Variants in SLC40A1 observed in about 807,000 individuals in gnomAD.
SLC40A1 encodes solute carrier family 40 member 1.
A neutral mutation model predicts 53.5 loss-of-function variants in SLC40A1; 16 were observed. The observed-to-expected ratio is 0.30, with a 90% CI of 0.20 to 0.45. The LOEUF (loss-of-function observed/expected upper bound fraction) is 0.45. SLC40A1 is among the 20% of genes least tolerant of loss of function. The probability of loss-of-function intolerance (pLI) is 1.00; values close to 1 mark genes in which losing one functional copy is unlikely to be tolerated. For synonymous variants in SLC40A1, 247 were observed against 253.2 expected (o/e 0.98, Z 0.23); for missense variants, 545 against 695.4 (o/e 0.78, Z 2.43).
At chr2:189,578,160 G>C (rs1156459423) in intron 2 of SLC40A1, 1 of 951,414 alleles carries the variant, frequency 1.1e-6, no homozygotes, top group East Asian at 1.2e-4. Flanking sequence ...TAAATGTTTT[G>C]TTGTAACAAA....
At chr2:189,570,160 T>A (rs2105626593) in intron 5 of SLC40A1, among the ~76,000 whole-genome samples, 1 of 151,758 alleles carries the variant, frequency 6.6e-6, no homozygotes, top group African/African-American at 2.4e-5. Flanking sequence ...AAGTTAAAGA[T>A]TCTGGCTAAC....
At chr2:189,573,995 A>C (rs1380034477) in intron 3 of SLC40A1, among the ~76,000 whole-genome samples, 2 of 152,208 alleles carry the variant, frequency 1.3e-5, no homozygotes, top group Non-Finnish European at 2.9e-5. Context: ...ATGTGAACAG[A>C]TCATTATATC....
intron 2 of SLC40A1, among the ~76,000 whole-genome samples, chr2:189,576,370 T>C (rs2031285537): frequency 6.6e-6 from 1 of 152,226 alleles, no homozygotes; most frequent in Admixed American, 6.5e-5. Context: ...AAGCAAATAC[T>C]ATCCTGGTAT....
chr2:189,564,739 C>G (rs1283838256), intron 6 of SLC40A1, among the ~76,000 whole-genome samples: 1 of 152,124 alleles, frequency 6.6e-6, no homozygotes, highest in Non-Finnish European at 1.5e-5. Flanking sequence ...ACTTGGGAGG[C>G]TGAGGCAGGA....
At chr2:189,569,687 C>T (rs1213990071) in intron 5 of SLC40A1, among the ~76,000 whole-genome samples, 2 of 152,226 alleles carry the variant, frequency 1.3e-5, no homozygotes, top group Admixed American at 6.5e-5. Context: ...GCCCACACTG[C>T]TGGCTGGATG....
At chr2:189,569,017 G>A (rs2031039132) in intron 5 of SLC40A1, among the ~76,000 whole-genome samples, 1 of 152,214 alleles carries the variant, frequency 6.6e-6, no homozygotes, top group South Asian at 2.1e-4. Context: ...CACCTAGAAA[G>A]TACCTAAATT....
At chr2:189,571,293 C>T (rs891800539) in intron 5 of SLC40A1, among the ~76,000 whole-genome samples, 1 of 151,956 alleles carries the variant, frequency 6.6e-6, no homozygotes, top group Non-Finnish European at 1.5e-5. Flanking sequence ...AGAGTCTCTC[C>T]TACAATTGTT....
chr2:189,580,525 C>T lies in SLC40A1; in HGVS notation c.-65G>A. 6.2e-7 allele frequency: 1 copy of T among 1,609,922 alleles called. No homozygotes were observed. The highest frequency in any genetic ancestry group is 8.5e-7 in the Non-Finnish European group (1 of 1,179,902). ...CGCTGCTGCTGCTCTCGCTGAGGTG[C>T]TTGTTAACAGGAGTGCAAGGAACTG... On this transcript the variant is annotated 5_prime_UTR_variant, in exon 1 of 8. Transcript: ENST00000261024.
intron 7 of SLC40A1, 39 bp from the exon 8 acceptor site, chr2:189,562,230 T>C (rs753462352): frequency 3.3e-5 from 48 of 1,432,948 alleles, no homozygotes; most frequent in Non-Finnish European, 4.4e-5. Context: ...GATTTTAGTT[T>C]ACAGGCATAC....
intron 4 of SLC40A1, 71 bp from the exon 5 acceptor site, chr2:189,571,912 G>T: frequency 1.0e-6 from 1 of 1,001,174 alleles, no homozygotes; most frequent in Non-Finnish European, 1.6e-6. Flanking sequence ...ACTAAACAAG[G>T]CAGTTTAAAA....
At chr2:189,580,003 C>T (rs2105636699) in intron 1 of SLC40A1, 123 bp from the exon 2 acceptor site, 4 of 961,718 alleles carry the variant, frequency 4.2e-6, no homozygotes, top group Non-Finnish European at 6.6e-6. Flanking sequence ...CAGGACAAAC[C>T]ACGTACATTT....
At chr2:189,574,431 C>A (rs575082415) in intron 3 of SLC40A1, among the ~76,000 whole-genome samples, 18 of 152,268 alleles carry the variant, frequency 1.2e-4, no homozygotes, top group African/African-American at 3.8e-4. Context: ...AGTCATCTCG[C>A]ACTGAAAGAA....
At chr2:189,566,181 G>A (rs535397899) in intron 5 of SLC40A1, among the ~76,000 whole-genome samples, 3 of 152,154 alleles carry the variant, frequency 2.0e-5, no homozygotes, top group South Asian at 2.1e-4. Flanking sequence ...AGGACTCACT[G>A]AAAAAAAGAG....
intron 5 of SLC40A1, among the ~76,000 whole-genome samples, chr2:189,570,937 G>A (rs1490272726): frequency 1.3e-5 from 2 of 152,106 alleles, no homozygotes; most frequent in Admixed American, 1.3e-4. Context: ...CTGACAGGTA[G>A]GGAGGTGTAC....
intron 5 of SLC40A1, among the ~76,000 whole-genome samples, chr2:189,569,725 A>C (rs2031061317): frequency 6.6e-6 from 1 of 152,206 alleles, no homozygotes; most frequent in African/African-American, 2.4e-5. Context: ...CTAAAAGCTA[A>C]TGTAGAGTGG....
intron 5 of SLC40A1, among the ~76,000 whole-genome samples, chr2:189,566,024 ATGTG>A (rs149895089): frequency 1.7e-4 from 26 of 151,316 alleles, no homozygotes; most frequent in Non-Finnish European, 2.5e-4. Flanking sequence ...CAACAAGCAT[ATGTG>A]TGTGTGTGTG....
At chr2:189,575,936 T>G (rs113500931) in intron 2 of SLC40A1, among the ~76,000 whole-genome samples, 1 of 152,222 alleles carries the variant, frequency 6.6e-6, no homozygotes, top group East Asian at 1.9e-4. Context: ...ATTCTGGCAC[T>G]GCATAAACAG....
intron 5 of SLC40A1, 127 bp downstream of exon 5, chr2:189,571,588 T>A: frequency 6.9e-7 from 1 of 1,454,060 alleles, no homozygotes; most frequent in Non-Finnish European, 9.3e-7. Flanking sequence ...AAAAAAAGTA[T>A]GCTTTCAATT....
chr2:189,577,620 T>TC (rs1418677804), intron 2 of SLC40A1, among the ~76,000 whole-genome samples: 1 of 151,028 alleles, frequency 6.6e-6, no homozygotes, highest in Non-Finnish European at 1.5e-5. Flanking sequence ...ATCCACTTTT[T>TC]TTTTTTTTTT....
Sources: allele counts gnomAD v4.1 joint callset (sites outside exome capture counted in the v4.1 genomes callset), GRCh38; gene constraint gnomAD v4.1.1; transcripts MANE v1.5; gene names NCBI Gene and HGNC (gene_info 2026-07-23, HGNC 2026-07-21).